Variants in CRACR2A observed in about 807,000 individuals in gnomAD.
CRACR2A encodes EF-hand calcium-binding domain-containing protein 4B.
A neutral mutation model predicts 90.5 loss-of-function variants in CRACR2A; 79 were observed. The ratio of observed to expected loss-of-function variants is 0.87; its 90% CI spans 0.73 to 1.05. The LOEUF (loss-of-function observed/expected upper bound fraction) is 1.05, where lower values mean the gene tolerates loss of function less well. Ranked by LOEUF, CRACR2A falls within the 50% of genes least tolerant of loss-of-function variation. The pLI is 0.00. For missense variants in CRACR2A, 823 were observed against 897.2 expected (o/e 0.92, Z 1.06); for synonymous variants, 338 against 356.7 (o/e 0.95, Z 0.59).
At chr12:3,697,624 G>A (rs1450745398) in intron 3 of CRACR2A, among the ~76,000 whole-genome samples, 3 of 152,206 alleles carry the variant, frequency 2.0e-5, no homozygotes, top group Non-Finnish European at 4.4e-5. Context: ...ATTGCTGAGG[G>A]TGGAAAGCTC....
At chr12:3,727,895 A>C (rs185249131) in intron 2 of CRACR2A, 12 of 152,298 alleles carry the variant, frequency 7.9e-5, no homozygotes, top group Non-Finnish European at 4.4e-5. Context: ...AAAATAAAAT[A>C]AAATAAGGAA....
Position 3,733,168 on chromosome 12 carries a change from T to A in CRACR2A, c.-344A>T, listed in dbSNP as rs890023480. The A allele has an allele frequency of 6.6e-6, 1 of 152,530 alleles. No individual in the cohort carries two copies. The highest frequency in any genetic ancestry group is 6.5e-5 in the Admixed American group (1 of 15,290). The allele number at this position is 152,530 out of a possible 1,614,324, so 9.4% of individuals were successfully genotyped here. A position where few individuals can be genotyped will look rare whatever the true frequency, so the allele number is the denominator to read the frequency against. ...AAACAGCCCAATGGCCCCAGGTGGC[T>A]CCGTGCCAGCCTCCTGAAGGGCAGC... On this transcript the variant is annotated 5_prime_UTR_variant, in exon 2 of 20. Coordinates refer to ENST00000440314, the MANE Select transcript of CRACR2A (RefSeq NM_001144958.2).
intron 2 of CRACR2A, among the ~76,000 whole-genome samples, chr12:3,719,782 C>T (rs1353465715): frequency 2.6e-5 from 4 of 152,146 alleles, no homozygotes; most frequent in Admixed American, 2.6e-4. Context: ...CTTTCATTGT[C>T]CTGCTGCCAT....
chr12:3,684,323 C>G (rs373668865), intron 4 of CRACR2A, among the ~76,000 whole-genome samples: 1 of 152,126 alleles, frequency 6.6e-6, no homozygotes, highest in African/African-American at 2.4e-5. Flanking sequence ...CAGGATCAAC[C>G]TTTATCCTGC....
chr12:3,649,355 AG>A (rs1944754820), intron 10 of CRACR2A, among the ~76,000 whole-genome samples: 1 of 152,190 alleles, frequency 6.6e-6, no homozygotes, highest in African/African-American at 2.4e-5. Flanking sequence ...CAGATCTTGA[AG>A]GGTGAGAGCA....
intron 4 of CRACR2A, among the ~76,000 whole-genome samples, chr12:3,680,932 CAG>C (rs58346544): frequency 2.1e-4 from 32 of 150,058 alleles, no homozygotes; most frequent in Admixed American, 2.6e-4. Flanking sequence ...AGTAGGGAGG[CAG>C]AGAGAGAGAG....
chr12:3,696,460 T>A (rs1945742003), intron 4 of CRACR2A, among the ~76,000 whole-genome samples: 1 of 151,836 alleles, frequency 6.6e-6, no homozygotes, highest in Admixed American at 6.6e-5. Context: ...GCCTTTCTAC[T>A]TTTAGTTTCA....
At position 3,643,856 on chromosome 12, in the gene CRACR2A, T is replaced by TATATATAAA. The variant is rs1478137267; in HGVS notation, c.1164+738_1164+739insTTTATATAT. The stretch of plus-strand genomic sequence containing the variant: ...AATATATATAATATATATTATATAT[T>TATATATAAA]TATATTATATATATTATATATATTT... On this transcript the variant is annotated intron_variant, in intron 12 of 19. Coordinates refer to ENST00000440314, the MANE Select transcript of CRACR2A (RefSeq NM_001144958.2). Among the ~76,000 whole-genome samples, 13 of 67,346 alleles carry TATATATAAA rather than the reference T, an allele frequency of 1.9e-4. No individual in the cohort carries two copies. In the South Asian group the frequency reaches 4.3e-3, roughly 22 times the overall value. 44.2% of individuals were successfully genotyped at this position (67,346 alleles called of 152,430 possible). A position where few individuals can be genotyped will look rare whatever the true frequency, so the allele number is the denominator to read the frequency against.
In CRACR2A at chr12:3,696,833, T is replaced by C. The variant is rs1945747860; in HGVS notation, c.167A>G (p.Gln56Arg). The C allele has an allele frequency of 1.2e-6, 2 of 1,614,188 alleles. No homozygotes were observed. Among genetic ancestry groups the C allele is most frequent in the Non-Finnish European group, 1.7e-6 (2 of 1,180,038 alleles). Residue 56 changes from glutamine (Q) to arginine (R), a missense_variant, in exon 4 of 20, where the codon CAG becomes CGG. Gln to Arg is a conservative substitution (Grantham distance 43, BLOSUM62 1). Coordinates refer to ENST00000440314, the MANE Select transcript of CRACR2A (RefSeq NM_001144958.2). Reference sequence around the variant, plus strand: ...AGCATCACAGGTCTGAAAGAACTCCTGTGCCTTCCTCAGCATGACTAGCTG... The same window carrying C: ...AGCATCACAGGTCTGAAAGAACTCCCGTGCCTTCCTCAGCATGACTAGCTG... ...SGQLVMLRKA[Q>R]EFFQTCDAEG... is the part of the protein sequence containing the mutation.
rs1275626547 is a variant in CRACR2A, at chr12:3,627,517, C to T, written c.1851G>A (p.Lys617=). 7.1e-6 allele frequency: 11 copies of T among 1,551,634 alleles called. No homozygotes were observed. In the Admixed American group the frequency reaches 9.8e-5, roughly 14 times the overall value. Residue 617 remains lysine (K), a synonymous_variant, in exon 17 of 20, where the codon AAG becomes AAA. Transcript: ENST00000440314. ...CGTACATGACGATGACACCATCTGC[C>T]TTTCTGAAGAACTGCTGGGTGATGC... ...YRCITQQFFR[K]ADGVIVMYDL... is the part of the protein sequence containing the mutation.
intron 7 of CRACR2A, among the ~76,000 whole-genome samples, chr12:3,660,121 T>C (rs1945002779): frequency 6.6e-6 from 1 of 152,220 alleles, no homozygotes; most frequent in Non-Finnish European, 1.5e-5. Flanking sequence ...CCTGTTTGCA[T>C]GCTTTCTCTC....
intron 2 of CRACR2A, among the ~76,000 whole-genome samples, chr12:3,724,785 G>C (rs900238758): frequency 2.6e-5 from 4 of 152,170 alleles, no homozygotes; most frequent in African/African-American, 9.7e-5. Flanking sequence ...TGGAGGGAGT[G>C]ACCCTTACAT....
intron 7 of CRACR2A, among the ~76,000 whole-genome samples, chr12:3,662,526 A>G (rs1174219034): frequency 6.6e-6 from 1 of 152,206 alleles, no homozygotes; most frequent in Non-Finnish European, 1.5e-5. Context: ...CAGTAAATGT[A>G]AGGGATTATT....
At chr12:3,658,656 T>G (rs1944962082) in intron 8 of CRACR2A, among the ~76,000 whole-genome samples, 1 of 152,168 alleles carries the variant, frequency 6.6e-6, no homozygotes, top group Admixed American at 6.5e-5. Flanking sequence ...GTCGATAATC[T>G]GAGGCAGCAT....
rs1432135808 is a variant in CRACR2A, at chr12:3,746,857, G to A, written c.-387+6158C>T. Among the ~76,000 whole-genome samples the A allele has an allele frequency of 2.6e-5, 4 of 152,174 alleles. No individual in the cohort carries two copies. Among genetic ancestry groups the A allele is most frequent in the Admixed American group, 2.0e-4 (3 of 15,284 alleles). On this transcript the variant is annotated intron_variant, in intron 1 of 19. Coordinates refer to ENST00000440314, the MANE Select transcript of CRACR2A (RefSeq NM_001144958.2). This position sits in a 1 kb window ranked among gnomAD's most constrained non-coding sequence, Gnocchi z 4.4. ...AGTTGGTTGAGAAGGACCAACAAGG[G>A]GAGGAGTACACCCTTAGCATGGAAC...
intron 11 of CRACR2A, 75 bp downstream of exon 11, chr12:3,648,467 G>A (rs201245194): frequency 6.2e-7 from 1 of 1,607,890 alleles, no homozygotes; most frequent in African/African-American, 1.3e-5. Flanking sequence ...AGGCAAGGAT[G>A]ACCCTCAGAC....
chr12:3,693,434 T>C (rs557910288), intron 4 of CRACR2A, among the ~76,000 whole-genome samples: 1 of 152,338 alleles, frequency 6.6e-6, no homozygotes, highest in Non-Finnish European at 1.5e-5. Flanking sequence ...GGTCTGACAG[T>C]TCCTCTAGGA....
At chr12:3,701,003 G>A (rs886537102) in intron 3 of CRACR2A, among the ~76,000 whole-genome samples, 1 of 152,094 alleles carries the variant, frequency 6.6e-6, no homozygotes, top group Non-Finnish European at 1.5e-5. Flanking sequence ...TTTGTACAAA[G>A]TATGTACTCT....
rs1483341346 is a variant in CRACR2A at position 3,643,864 on chromosome 12, T to TATATATA, written c.1164+730_1164+731insTATATAT. Among the ~76,000 whole-genome samples, 30 of 24,172 alleles carry TATATATA rather than the reference T, an allele frequency of 1.2e-3. 1 individual carries two copies. Among genetic ancestry groups the TATATATA allele is most frequent in the Admixed American group, 2.2e-3 (2 of 922 alleles). The allele number at this position is 24,172 out of a possible 152,430, so 15.9% of individuals were successfully genotyped here. A position where few individuals can be genotyped will look rare whatever the true frequency, so the allele number is the denominator to read the frequency against. On this transcript the variant is annotated intron_variant, in intron 12 of 19. Coordinates refer to ENST00000440314, the MANE Select transcript of CRACR2A (RefSeq NM_001144958.2). The stretch of plus-strand genomic sequence containing the variant: ...TAATATATATTATATATTTATATTA[T>TATATATA]ATATATTATATATATTTATATTAAT...
Sources: gnomAD v4.1 joint callset for allele counts (sites outside exome capture counted in the v4.1 genomes callset) on GRCh38, gnomAD v4.1.1 for gene constraint, Gnocchi (gnomAD v3.1) non-coding constraint, MANE v1.5 for transcripts, NCBI Gene and HGNC (gene_info 2026-07-23, HGNC 2026-07-21) for gene names.